Variants in HS2ST1 observed in about 807,000 individuals in gnomAD.
HS2ST1 encodes heparan sulfate 2-O-sulfotransferase 1.
A neutral mutation model predicts 42.9 loss-of-function variants in HS2ST1; 18 were observed. That is an observed-to-expected ratio of 0.42 (90% CI 0.29 to 0.62). HS2ST1 has a LOEUF of 0.62. Ranked by LOEUF, HS2ST1 falls within the 20% of genes least tolerant of loss-of-function variation. The pLI is 0.21. For missense variants in HS2ST1, 334 were observed against 433.8 expected, an observed-to-expected ratio of 0.77 and a Z score of 2.04; for synonymous variants, 146 against 152.9, an observed-to-expected ratio of 0.95 and a Z score of 0.33.
rs765657177 is a variant in HS2ST1 at position 87,092,558 on chromosome 1, C to T, written c.477C>T (p.Tyr159=). The change falls in exon 4 of 7, where the codon TAC becomes TAT. Residue 159 remains tyrosine, a synonymous_variant. Transcript: ENST00000370550. The part of the protein sequence containing the change: ...AKFGVKKKPI[Y]INVIRDPIER... The stretch of plus-strand genomic sequence containing the variant: ...TTGGTGTGAAGAAGAAACCAATTTA[C>T]ATTAATGTCATAAGGGATCCTATTG... 6.5e-6 allele frequency: 10 copies of T among 1,549,802 alleles called. No homozygotes were observed. The highest frequency in any genetic ancestry group is 8.7e-6 in the Non-Finnish European group (10 of 1,155,064).
rs113665802 is a variant in HS2ST1 at position 86,949,265 on chromosome 1, T to C, written c.124+34105T>C. Among the ~76,000 whole-genome samples, 324 of 152,142 alleles carry C rather than the reference T, an allele frequency of 2.1e-3. 1 individual carries two copies. Among genetic ancestry groups the C allele is most frequent in the African/African-American group, 7.2e-3 (298 of 41,520 alleles). On this transcript the variant is annotated intron_variant, in intron 1 of 6. Coordinates refer to ENST00000370550, the MANE Select transcript of HS2ST1 (RefSeq NM_012262.4). ...ATGGGATTACAGGCACATACCACCA[T>C]GTCCGTCTAATTTTTGTATTTTTAG...
chr1:87,092,579 T>C lies in HS2ST1; in HGVS notation c.498T>C (p.Pro166=). 1.3e-6 allele frequency: 2 copies of C among 1,588,336 alleles called. No individual in the cohort carries two copies. The highest frequency in any genetic ancestry group is 2.3e-5 in the South Asian group (2 of 87,416). The change falls in exon 4 of 7, where the codon CCT becomes CCC. Residue 166 remains proline, a synonymous_variant. Transcript: ENST00000370550. ...KPIYINVIRD[P]IERLVSYYYF... ...TTTACATTAATGTCATAAGGGATCC[T>C]ATTGAGAGGCTAGTTTCTTATTATT...
chr1:87,098,955 T>G (rs962901296), intron 5 of HS2ST1, among the ~76,000 whole-genome samples: 6 of 152,170 alleles, frequency 3.9e-5, no homozygotes, highest in Non-Finnish European at 7.4e-5. Flanking sequence ...TTTTTGTATT[T>G]TTAGTAGAGA....
intron 6 of HS2ST1, 39 bp downstream of exon 6, chr1:87,103,628 G>T: frequency 6.9e-7 from 1 of 1,443,978 alleles, no homozygotes; most frequent in South Asian, 1.6e-5. Flanking sequence ...GCTTTCTTTG[G>T]TTTGGTTTTT....
At chr1:87,027,062 A>T (rs149964792) in intron 1 of HS2ST1, among the ~76,000 whole-genome samples, 5 of 152,292 alleles carry the variant, frequency 3.3e-5, no homozygotes, top group African/African-American at 1.2e-4. Flanking sequence ...ACCTGAAAAT[A>T]TGAGTAAGTT....
At chr1:86,928,071 C>T (rs183555568) in intron 1 of HS2ST1, among the ~76,000 whole-genome samples, 10 of 152,100 alleles carry the variant, frequency 6.6e-5, no homozygotes, top group African/African-American at 1.4e-4. Flanking sequence ...AAACTAACTG[C>T]GCAGCATAAA....
chr1:87,057,618 G>A (rs186831743), intron 1 of HS2ST1, among the ~76,000 whole-genome samples: 3 of 149,884 alleles, frequency 2.0e-5, no homozygotes, highest in East Asian at 2.0e-4. Context: ...CTGGGAGGCC[G>A]AGGCAGGTGG....
At chr1:86,921,465 C>G (rs1335702639) in intron 1 of HS2ST1, among the ~76,000 whole-genome samples, 2 of 152,090 alleles carry the variant, frequency 1.3e-5, no homozygotes, top group Non-Finnish European at 2.9e-5. Flanking sequence ...ATGTCTCCCC[C>G]AAAATTCACA....
At chr1:87,007,764 C>G (rs914025441) in intron 1 of HS2ST1, among the ~76,000 whole-genome samples, 1 of 152,142 alleles carries the variant, frequency 6.6e-6, no homozygotes, top group Non-Finnish European at 1.5e-5. Context: ...AATACCATTT[C>G]AATGCTTGTG....
At chr1:87,090,944 T>A (rs1354234005) in intron 3 of HS2ST1, among the ~76,000 whole-genome samples, 1 of 152,040 alleles carries the variant, frequency 6.6e-6, no homozygotes, top group Non-Finnish European at 1.5e-5. Context: ...ATAAGACTAG[T>A]GATGTCTTCC....
intron 1 of HS2ST1, among the ~76,000 whole-genome samples, chr1:86,928,096 T>C (rs1660459355): frequency 6.6e-6 from 1 of 152,108 alleles, no homozygotes; most frequent in Non-Finnish European, 1.5e-5. Flanking sequence ...CAAACTAAAA[T>C]CTTGCTGCAA....
At chr1:86,931,548 A>G (rs939958700) in intron 1 of HS2ST1, among the ~76,000 whole-genome samples, 4 of 152,118 alleles carry the variant, frequency 2.6e-5, no homozygotes, top group African/African-American at 9.7e-5. Context: ...GTCACAGAAT[A>G]AAAGTGAAAG....
At chr1:87,052,338 G>A (rs971917319) in intron 1 of HS2ST1, among the ~76,000 whole-genome samples, 2 of 152,146 alleles carry the variant, frequency 1.3e-5, no homozygotes, top group Non-Finnish European at 2.9e-5. Context: ...TAACTAGTAA[G>A]CCAGGACTGG....
At chr1:87,001,618 TGTA>T (rs1330572578) in intron 1 of HS2ST1, among the ~76,000 whole-genome samples, 5 of 152,254 alleles carry the variant, frequency 3.3e-5, no homozygotes, top group Non-Finnish European at 5.9e-5. Flanking sequence ...GTATTACTAT[TGTA>T]GTTTTTTTTG....
chr1:87,103,362 G>T (rs754232388), intron 5 of HS2ST1, 70 bp from the exon 6 acceptor site: 154 of 1,355,946 alleles, frequency 1.1e-4, no homozygotes, highest in Non-Finnish European at 1.5e-4. Context: ...TGTAATATAT[G>T]GTGTCAAAGG....
At chr1:87,012,541 G>A (rs895742019) in intron 1 of HS2ST1, among the ~76,000 whole-genome samples, 2 of 152,132 alleles carry the variant, frequency 1.3e-5, no homozygotes, top group Non-Finnish European at 2.9e-5. Flanking sequence ...TGGGAATTAT[G>A]GGAGCTACAA....
chr1:86,950,403 GAAAGTT>G (rs1370196532), intron 1 of HS2ST1, among the ~76,000 whole-genome samples: 2 of 152,136 alleles, frequency 1.3e-5, no homozygotes, highest in Non-Finnish European at 2.9e-5. Context: ...CAGACAGACA[GAAAGTT>G]AAAGGCGAGA....
At chr1:86,952,398 C>T (rs112299326) in intron 1 of HS2ST1, among the ~76,000 whole-genome samples, 3,612 of 152,024 alleles carry the variant, frequency 0.024, 72 homozygotes, top group African/African-American at 0.049. Context: ...CCACCACGCC[C>T]GGCAAATTTT....
At chr1:87,086,129 TC>T (rs1283955675) in intron 3 of HS2ST1, among the ~76,000 whole-genome samples, 1 of 152,162 alleles carries the variant, frequency 6.6e-6, no homozygotes, top group Non-Finnish European at 1.5e-5. Flanking sequence ...AGCCATATGC[TC>T]CATAAATGGG....
Sources: allele counts gnomAD v4.1 joint callset (sites outside exome capture counted in the v4.1 genomes callset), GRCh38; gene constraint gnomAD v4.1.1; transcripts MANE v1.5; gene names NCBI Gene and HGNC (gene_info 2026-07-23, HGNC 2026-07-21).